DNAJB1: variants seen among roughly 807,000 people sequenced by gnomAD.
The protein encoded by DNAJB1 is dnaJ homolog subfamily B member 1.
Under a neutral mutation model 24.0 loss-of-function variants are expected in DNAJB1, and 14 were observed. That is an observed-to-expected ratio of 0.58 (90% CI 0.39 to 0.91). The LOEUF (loss-of-function observed/expected upper bound fraction) is 0.91, where lower values mean the gene tolerates loss of function less well. DNAJB1 is among the 40% of genes least tolerant of loss of function. The pLI is 0.00. For missense variants in DNAJB1, 517 were observed against 458.1 expected, an observed-to-expected ratio of 1.13 and a Z score of -1.17; for synonymous variants, 262 against 174.4, an observed-to-expected ratio of 1.50 and a Z score of -3.96.
At chr19:14,529,356 C>A, upstream of DNAJB1, 1 of 483,454 alleles carries the variant, frequency 2.1e-6, no homozygotes, top group Admixed American at 3.3e-5. Context: ...CAAAGGGACG[C>A]GCGGGGCAGA....
upstream of DNAJB1, among the ~76,000 whole-genome samples, chr19:14,522,550 G>T (rs1162793827): frequency 6.7e-6 from 1 of 148,484 alleles, no homozygotes; most frequent in South Asian, 2.1e-4. Context: ...GGCAGAAAAA[G>T]CATCAGCTCC....
upstream of DNAJB1, among the ~76,000 whole-genome samples, chr19:14,533,289 G>A (rs1044244800): frequency 2.0e-5 from 3 of 151,760 alleles, no homozygotes; most frequent in South Asian, 2.1e-4. Flanking sequence ...GTGTGGTGGC[G>A]CACGCCTGAA....
chr19:14,518,648 C>T (rs899151444), upstream of DNAJB1, among the ~76,000 whole-genome samples: 1 of 152,172 alleles, frequency 6.6e-6, no homozygotes, highest in Admixed American at 6.5e-5. Context: ...GGAGGCCCCG[C>T]CCACCTTTCG....
At chr19:14,525,696 G>T (rs1235395446) in intron 2 of DNAJB1, among the ~76,000 whole-genome samples, 1 of 151,968 alleles carries the variant, frequency 6.6e-6, no homozygotes, top group Non-Finnish European at 1.5e-5. Context: ...TTTTTGGGTT[G>T]GTGTAAATGC....
chr19:14,544,833 G>C lies in DNAJB1; in HGVS notation c.-214+5375C>G, dbSNP rs188935085. 2.8e-3 allele frequency among the ~76,000 whole-genome samples: 423 copies of C among 152,094 alleles called. 2 individuals carry two copies. The highest frequency in any genetic ancestry group is 3.9e-3 in the Non-Finnish European group (263 of 67,984). On this transcript the variant is annotated intron_variant, in intron 1 of 3. Coordinates refer to the DNAJB1 transcript ENST00000676982. ...TTTTCTGTAGAGATGGGGTCTTGCTGTGTTGCCTAAGCTGGTCTTGAACTC... is the reference window on the plus strand; with the variant it reads ...TTTTCTGTAGAGATGGGGTCTTGCTCTGTTGCCTAAGCTGGTCTTGAACTC...
chr19:14,546,899 A>G (rs2073326631), intron 1 of DNAJB1, among the ~76,000 whole-genome samples: 1 of 152,228 alleles, frequency 6.6e-6, no homozygotes. Context: ...TATGTTGGCC[A>G]GGCTGGTCTC....
intron 2 of DNAJB1, among the ~76,000 whole-genome samples, chr19:14,527,165 C>CTTTTTTTTTTTTTTTTTTT (rs369143149): frequency 2.4e-5 from 1 of 41,262 alleles, no homozygotes; most frequent in African/African-American, 1.1e-4. Flanking sequence ...AATATCTCTG[C>CTTTTTTTTTTTTTTTTTTT]TTTTTTTTTT....
At chr19:14,552,120 T>A (rs2073544001), upstream of DNAJB1, among the ~76,000 whole-genome samples, 2 of 151,138 alleles carry the variant, frequency 1.3e-5, no homozygotes, top group East Asian at 1.9e-4. Context: ...ATTACAGGCA[T>A]GAGCCACCGC....
rs2073848023 is a variant in DNAJB1, at chr19:14,559,728, AGT to A, written c.-2166+301_-2166+302del. ...TTTGAACCTGGGGGGCGGAGGTTGC[AGT>A]GAGTCAAGATCGCACTGCTGCACTC... is the stretch of plus-strand genomic sequence containing the variant. On this transcript the variant is annotated intron_variant, in intron 1 of 5. Transcript: ENST00000679223. 2.6e-5 allele frequency among the ~76,000 whole-genome samples: 4 copies of A among 151,982 alleles called. No homozygotes were observed. In the South Asian group the frequency reaches 8.3e-4, roughly 32 times the overall value.
chr19:14,541,825 A>C (rs1187273887), intron 1 of DNAJB1, among the ~76,000 whole-genome samples: 1 of 148,152 alleles, frequency 6.7e-6, no homozygotes, highest in African/African-American at 2.5e-5. Flanking sequence ...TCTTGTCACC[A>C]AGGCTGGAGT....
chr19:14,527,284 T>G (rs1305347695), intron 2 of DNAJB1: 1 of 145,864 alleles, frequency 6.9e-6, no homozygotes, highest in Non-Finnish European at 1.5e-5. Flanking sequence ...TGGGTTCAAC[T>G]GATTCTTCTG....
chr19:14,549,050 C>T (rs946313183), intron 1 of DNAJB1, among the ~76,000 whole-genome samples: 31 of 151,576 alleles, frequency 2.0e-4, no homozygotes, highest in Non-Finnish European at 3.7e-4. Context: ...AAGGTAAAAA[C>T]GTCATGTATT....
intron 1 of DNAJB1, among the ~76,000 whole-genome samples, chr19:14,559,375 TTCTG>T (rs989391297): frequency 2.0e-5 from 3 of 152,136 alleles, no homozygotes; most frequent in Non-Finnish European, 4.4e-5. Context: ...CAATTTGCTT[TTCTG>T]TCTGTCTGCT....
intron 1 of DNAJB1, among the ~76,000 whole-genome samples, chr19:14,538,721 C>T (rs141867014): frequency 0.02 from 2,958 of 150,794 alleles, 81 homozygotes; most frequent in African/African-American, 0.064. Flanking sequence ...TTAGTAGAGA[C>T]GGGGTTTCAG....
At position 14,515,784 on chromosome 19, in the gene DNAJB1, T is replaced by C. The variant is rs1419740157; in HGVS notation, c.*156A>G. On this transcript the variant is annotated 3_prime_UTR_variant, in exon 3 of 3. Transcript: ENST00000254322. Reference sequence around the variant, plus strand: ...AAACCACTGAAGTCTAGTGTGCGACTTTGAAAGATTGTAATATATGCTCTG... The same window carrying C: ...AAACCACTGAAGTCTAGTGTGCGACCTTGAAAGATTGTAATATATGCTCTG... 1.4e-6 allele frequency: 1 copy of C among 713,144 alleles called. No individual in the cohort carries two copies. Among genetic ancestry groups the C allele is most frequent in the Non-Finnish European group, 2.3e-6 (1 of 435,522 alleles). 44.2% of individuals were successfully genotyped at this position (713,144 alleles called of 1,614,324 possible).
chr19:14,556,036 C>T lies in DNAJB1; in HGVS notation c.-2165-1718G>A, dbSNP rs1335735804. Among the ~76,000 whole-genome samples the T allele has an allele frequency of 3.9e-5, 6 of 152,200 alleles. No homozygotes were observed. In the East Asian group the frequency reaches 1.2e-3, roughly 29 times the overall value. On this transcript the variant is annotated intron_variant, in intron 1 of 5. Coordinates refer to the DNAJB1 transcript ENST00000679223. ...CTCATCCCTCCTCTGCTCAAGAACCCTCTATGGCTGCCACTTCACTCAGAG... is the reference window on the plus strand; with the variant it reads ...CTCATCCCTCCTCTGCTCAAGAACCTTCTATGGCTGCCACTTCACTCAGAG...
At chr19:14,539,330 T>C (rs1443934636) in intron 1 of DNAJB1, among the ~76,000 whole-genome samples, 1 of 151,950 alleles carries the variant, frequency 6.6e-6, no homozygotes, top group Middle Eastern at 3.2e-3. Context: ...TCTTTCCTTC[T>C]TCATGGGAAG....
At chr19:14,536,090 A>G (rs2072887740) in intron 1 of DNAJB1, among the ~76,000 whole-genome samples, 2 of 152,058 alleles carry the variant, frequency 1.3e-5, no homozygotes, top group African/African-American at 2.4e-5. Flanking sequence ...GACCCAGAGA[A>G]CAAGGCCTTT....
At chr19:14,522,715 C>T (rs943558850), upstream of DNAJB1, among the ~76,000 whole-genome samples, 2 of 151,644 alleles carry the variant, frequency 1.3e-5, no homozygotes, top group Non-Finnish European at 2.9e-5. Context: ...CACACACACA[C>T]ACACACACAC....
Sources: gnomAD v4.1 joint callset for allele counts (sites outside exome capture counted in the v4.1 genomes callset) on GRCh38, gnomAD v4.1.1 for gene constraint, MANE v1.5 for transcripts, NCBI Gene and HGNC (gene_info 2026-07-23, HGNC 2026-07-21) for gene names.